IRS1: variants seen among roughly 807,000 people sequenced by gnomAD.
IRS1 encodes insulin receptor substrate 1.
Under a neutral mutation model 65.6 loss-of-function variants are expected in IRS1, and 34 were observed. That is an observed-to-expected ratio of 0.52 (90% CI 0.39 to 0.69). IRS1 has a LOEUF of 0.69. IRS1 is among the 30% of genes least tolerant of loss of function. The probability of loss-of-function intolerance (pLI) is 0.00; values close to 1 mark genes in which losing one functional copy is unlikely to be tolerated. For synonymous variants in IRS1, 699 were observed against 683.5 expected, an observed-to-expected ratio of 1.02 and a Z score of -0.35; for missense variants, 1,641 against 1,720.2, an observed-to-expected ratio of 0.95 and a Z score of 0.81.
chr2:226,766,352 C>G (rs1036289955), intron 1 of IRS1, among the ~76,000 whole-genome samples: 1 of 149,354 alleles, frequency 6.7e-6, no homozygotes, highest in East Asian at 2.0e-4. Flanking sequence ...TTAGTAGAGA[C>G]GGGGTTTTGC....
At chr2:226,756,490 A>G (rs951600063) in intron 1 of IRS1, among the ~76,000 whole-genome samples, 6 of 152,012 alleles carry the variant, frequency 3.9e-5, no homozygotes, top group Non-Finnish European at 8.8e-5. Context: ...AAAAAAAACA[A>G]ACTAACATAT....
rs760113451 is a variant in IRS1, at chr2:226,750,269, A to AAAT, written c.*22-14020_*22-14019insATT. ...TGTCTCAAAAAAAAAAAAAAAAAAA[A>AAAT]AGAATCATTAAATGTGTTGTCTGAG... On this transcript the variant is annotated intron_variant, in intron 1 of 1. Transcript: ENST00000305123. 4.3e-4 allele frequency among the ~76,000 whole-genome samples: 64 copies of AAAT among 150,504 alleles called. 1 individual carries two copies. The highest frequency in any genetic ancestry group is 9.5e-4 in the African/African-American group (39 of 41,172).
Position 226,797,915 on chromosome 2 carries a change from T to G in IRS1, c.824A>C (p.Asn275Thr), listed in dbSNP as rs201110062. 5.6e-6 allele frequency: 9 copies of G among 1,613,842 alleles called. No homozygotes were observed. The East Asian group carries it at 2.0e-4, about 36-fold the overall frequency. ...RPRSKSQSSS[N>T]CSNPISVPLR... ...GGGGACGCTGATGGGGTTAGAGCAG[T>G]TGGACGAGGACTGGCTCTTGCTGCG... is the stretch of plus-strand genomic sequence containing the variant. The change falls in exon 1 of 2, where the codon AAC (asparagine) becomes ACC (threonine). Residue 275 changes from asparagine to threonine, a missense_variant. Coordinates refer to ENST00000305123, the MANE Select transcript of IRS1 (RefSeq NM_005544.3). This position sits in a 1 kb window ranked among gnomAD's most constrained non-coding sequence, Gnocchi z 8.1.
Position 226,797,360 on chromosome 2 carries a change from T to C in IRS1, c.1379A>G (p.Glu460Gly). The C allele has an allele frequency of 6.2e-7, 1 of 1,613,192 alleles. No individual in the cohort carries two copies. The highest frequency in any genetic ancestry group is 8.5e-7 in the Non-Finnish European group (1 of 1,179,864). Residue 460 changes from glutamate (E) to glycine (G), a missense_variant, in exon 1 of 2, where the codon GAG (glutamate) becomes GGG (glycine). Glu to Gly is a moderately conservative substitution (Grantham distance 98). Coordinates refer to ENST00000305123, the MANE Select transcript of IRS1 (RefSeq NM_005544.3). This position sits in a 1 kb window ranked among gnomAD's most constrained non-coding sequence, Gnocchi z 8.1. The part of the protein sequence containing the change: ...LGHTPPARGE[E>G]ELSNYICMGG... ...CATGCAGATATAGTTGCTTAGCTCC[T>C]CCTCACCGCGGGCTGGTGGGGTGTG...
intron 1 of IRS1, among the ~76,000 whole-genome samples, chr2:226,784,320 A>G (rs1014547145): frequency 5.9e-5 from 9 of 152,222 alleles, no homozygotes; most frequent in African/African-American, 2.2e-4. Context: ...GAAGAAAACT[A>G]ACACTACTGC....
At chr2:226,741,508 G>T (rs932102960) in intron 1 of IRS1, among the ~76,000 whole-genome samples, 1 of 152,096 alleles carries the variant, frequency 6.6e-6, no homozygotes, top group South Asian at 2.1e-4. Flanking sequence ...GAGCAGAGGG[G>T]TCAGTGGGTA....
chr2:226,772,692 A>AG, intron 1 of IRS1, among the ~76,000 whole-genome samples: 1 of 152,190 alleles, frequency 6.6e-6, no homozygotes, highest in East Asian at 1.9e-4. Flanking sequence ...AAAAAAAAAA[A>AG]AAAATTCTAA....
chr2:226,744,333 T>G (rs1365504976), intron 1 of IRS1, among the ~76,000 whole-genome samples: 1 of 152,220 alleles, frequency 6.6e-6, no homozygotes, highest in Non-Finnish European at 1.5e-5. Context: ...AAAACAACCA[T>G]GAGGTACCTC....
At chr2:226,754,322 G>A (rs1424623238) in intron 1 of IRS1, among the ~76,000 whole-genome samples, 1 of 152,196 alleles carries the variant, frequency 6.6e-6, no homozygotes, top group Non-Finnish European at 1.5e-5. Flanking sequence ...TGGAGTGAGT[G>A]TGGGGTGGTT....
At chr2:226,753,563 C>G (rs1354569438) in intron 1 of IRS1, among the ~76,000 whole-genome samples, 1 of 152,110 alleles carries the variant, frequency 6.6e-6, no homozygotes, top group Non-Finnish European at 1.5e-5. Flanking sequence ...CTACCTGATC[C>G]ATTACAGTGT....
intron 1 of IRS1, among the ~76,000 whole-genome samples, chr2:226,737,141 A>G (rs965789411): frequency 3.1e-5 from 4 of 130,404 alleles, no homozygotes; most frequent in African/African-American, 8.9e-5. Context: ...CCCTTCCTGC[A>G]TCCATGTGAT....
At position 226,739,163 on chromosome 2, in the gene IRS1, C is replaced by T. The variant is rs1938388925; in HGVS notation, c.*22-2913G>A. On this transcript the variant is annotated intron_variant, in intron 1 of 1. Coordinates refer to ENST00000305123, the MANE Select transcript of IRS1 (RefSeq NM_005544.3). Reference sequence around the variant, plus strand: ...ACGTATCAAGTGCATCGACACCTTCCTTCCAAAGTCTTACTTAGCACACTA... The same window carrying T: ...ACGTATCAAGTGCATCGACACCTTCTTTCCAAAGTCTTACTTAGCACACTA... 2.0e-5 allele frequency among the ~76,000 whole-genome samples: 3 copies of T among 152,324 alleles called. No individual in the cohort carries two copies. The South Asian group carries it at 6.2e-4, about 32-fold the overall frequency.
intron 1 of IRS1, among the ~76,000 whole-genome samples, chr2:226,746,462 G>A (rs1475034588): frequency 6.6e-6 from 1 of 152,164 alleles, no homozygotes; most frequent in Non-Finnish European, 1.5e-5. Context: ...GCAGCTGGAA[G>A]AGGAGGGAGG....
intron 1 of IRS1, among the ~76,000 whole-genome samples, chr2:226,767,194 A>G (rs1421424114): frequency 6.6e-6 from 1 of 152,234 alleles, no homozygotes; most frequent in African/African-American, 2.4e-5. Context: ...CTAATACTCT[A>G]CTTCCTAAAA....
chr2:226,744,038 C>T (rs1446836542), intron 1 of IRS1, among the ~76,000 whole-genome samples: 1 of 152,116 alleles, frequency 6.6e-6, no homozygotes, highest in East Asian at 1.9e-4. Flanking sequence ...TGTCTGACTA[C>T]CCAATTGTTT....
rs914668065 is a variant in IRS1 at position 226,734,776 on chromosome 2, T to G, written c.*1496A>C. On this transcript the variant is annotated 3_prime_UTR_variant, in exon 2 of 2. Transcript: ENST00000305123. The stretch of plus-strand genomic sequence containing the variant: ...ATATCTTTAAATGCATTCATTGCCA[T>G]TTGTTTTTCACGTGGAAAAAATTCC... The G allele has an allele frequency of 6.6e-6, 1 of 152,224 alleles. No homozygotes were observed. The highest frequency in any genetic ancestry group is 2.4e-5 in the African/African-American group (1 of 41,456). The allele number at this position is 152,224 out of a possible 1,614,324, so 9.4% of individuals were successfully genotyped here.
At chr2:226,791,169 C>G (rs1939586645) in intron 1 of IRS1, among the ~76,000 whole-genome samples, 1 of 152,144 alleles carries the variant, frequency 6.6e-6, no homozygotes, top group South Asian at 2.1e-4. Context: ...GGAATTCCCC[C>G]TCCCCCCATG....
chr2:226,783,944 C>T (rs899641831), intron 1 of IRS1, among the ~76,000 whole-genome samples: 2 of 152,030 alleles, frequency 1.3e-5, no homozygotes, highest in African/African-American at 2.4e-5. Flanking sequence ...GCTGGGGACA[C>T]GTGGACCAGT....
At position 226,795,006 on chromosome 2, in the gene IRS1, T is replaced by G; in HGVS notation, c.*4A>C. ...AAACGCACCTGCTGTGATGTCCAGTTGAGCTACTGACGGTCCTCTGGCTGC... is the reference window on the plus strand; with the variant it reads ...AAACGCACCTGCTGTGATGTCCAGTGGAGCTACTGACGGTCCTCTGGCTGC... On this transcript the variant is annotated 3_prime_UTR_variant, in exon 1 of 2. Transcript: ENST00000305123. 1 of 1,613,204 alleles carries G rather than the reference T, an allele frequency of 6.2e-7. No individual in the cohort carries two copies. The highest frequency in any genetic ancestry group is 8.5e-7 in the Non-Finnish European group (1 of 1,179,966).
Sources: allele counts gnomAD v4.1 joint callset (sites outside exome capture counted in the v4.1 genomes callset), GRCh38; gene constraint gnomAD v4.1.1; non-coding constraint Gnocchi (gnomAD v3.1); transcripts MANE v1.5; gene names NCBI Gene and HGNC (gene_info 2026-07-23, HGNC 2026-07-21).